The following TWIST2 variants were observed in gnomAD, a reference collection of about 807,000 sequenced individuals.
TWIST2 encodes twist-related protein 2.
Under a neutral mutation model 11.6 loss-of-function variants are expected in TWIST2, and 1 was observed. That is an observed-to-expected ratio of 0.09 (90% CI 0.03 to 0.41). The LOEUF (loss-of-function observed/expected upper bound fraction) is 0.41. TWIST2 is among the 10% of genes least tolerant of loss of function. The pLI, the probability that TWIST2 is intolerant of heterozygous loss-of-function variation, is 0.98. For missense variants in TWIST2, 168 were observed against 226.4 expected (o/e 0.74, Z 1.66); for synonymous variants, 87 against 96.6 (o/e 0.90, Z 0.58).
At chr2:238,883,168 C>T (rs1396162198) in intron 1 of TWIST2, among the ~76,000 whole-genome samples, 1 of 152,186 alleles carries the variant, frequency 6.6e-6, no homozygotes, top group Non-Finnish European at 1.5e-5. Flanking sequence ...CTCGAAGTTC[C>T]TTGGAGGACA....
chr2:238,883,351 C>G (rs755038631), intron 1 of TWIST2, among the ~76,000 whole-genome samples: 3 of 152,190 alleles, frequency 2.0e-5, no homozygotes, highest in Non-Finnish European at 4.4e-5. Flanking sequence ...CTCCGTTCAC[C>G]ACATTGCTCA....
At chr2:238,884,098 C>T (rs765209654) in intron 1 of TWIST2, among the ~76,000 whole-genome samples, 4 of 152,350 alleles carry the variant, frequency 2.6e-5, no homozygotes, top group Admixed American at 1.3e-4. Flanking sequence ...TCAGCCCCTC[C>T]ACAGAAGGCA....
chr2:238,889,133 G>C (rs1693088509), intron 1 of TWIST2, among the ~76,000 whole-genome samples: 2 of 152,186 alleles, frequency 1.3e-5, no homozygotes, highest in African/African-American at 4.8e-5. Flanking sequence ...GGCAATCTTA[G>C]AAGTCCAGCC....
At chr2:238,853,081 TAAAGA>T (rs970565641) in intron 1 of TWIST2, among the ~76,000 whole-genome samples, 3 of 152,088 alleles carry the variant, frequency 2.0e-5, no homozygotes, top group African/African-American at 7.2e-5. Flanking sequence ...AAGTCTTAAA[TAAAGA>T]ATAGTATCCC....
At chr2:238,892,806 C>A (rs1440538784) in intron 1 of TWIST2, among the ~76,000 whole-genome samples, 1 of 152,144 alleles carries the variant, frequency 6.6e-6, no homozygotes. Context: ...TTCCAATCAC[C>A]ACCACAGGCC....
intron 1 of TWIST2, among the ~76,000 whole-genome samples, chr2:238,885,052 C>G (rs532752655): frequency 1.3e-5 from 2 of 152,288 alleles, no homozygotes; most frequent in East Asian, 3.9e-4. Flanking sequence ...GGGGGTCAGC[C>G]CTGGTCCGTT....
chr2:238,901,899 T>G (rs1693272540), intron 1 of TWIST2, among the ~76,000 whole-genome samples: 1 of 151,670 alleles, frequency 6.6e-6, no homozygotes, highest in Non-Finnish European at 1.5e-5. Context: ...AGCCCAGGGT[T>G]GAGGGTGTGG....
intron 1 of TWIST2, among the ~76,000 whole-genome samples, chr2:238,883,682 C>T (rs374167013): frequency 5.3e-5 from 8 of 152,126 alleles, no homozygotes; most frequent in South Asian, 2.1e-4. Flanking sequence ...TCCGAGCACA[C>T]GGAGGGAGTT....
rs1402625992 is a variant in TWIST2, at chr2:238,870,902, C to T, written c.*35+22169C>T. 5.1e-4 allele frequency among the ~76,000 whole-genome samples: 17 copies of T among 33,324 alleles called. 2 individuals are homozygous for T. The highest frequency in any genetic ancestry group is 1.9e-3 in the African/African-American group (17 of 9,142). 21.9% of individuals were successfully genotyped at this position (33,324 alleles called of 152,430 possible). A position where few individuals can be genotyped will look rare whatever the true frequency, so the allele number is the denominator to read the frequency against. ...CACACACCACATACACACCACATCC[C>T]TCCCACACACCACACACACACCACA... On this transcript the variant is annotated intron_variant, in intron 1 of 1. Transcript: ENST00000612363.
chr2:238,897,682 C>T (rs1454014330), intron 1 of TWIST2, among the ~76,000 whole-genome samples: 1 of 152,220 alleles, frequency 6.6e-6, no homozygotes, highest in Non-Finnish European at 1.5e-5. Context: ...TGCATTTCCT[C>T]CCCCGCCTCT....
At chr2:238,878,132 G>A (rs921459744) in intron 1 of TWIST2, among the ~76,000 whole-genome samples, 25 of 152,290 alleles carry the variant, frequency 1.6e-4, no homozygotes, top group Admixed American at 3.9e-4. Flanking sequence ...CCAGGATGTC[G>A]TTAAAGGCTG....
chr2:238,858,005 C>T (rs1037357677), intron 1 of TWIST2, among the ~76,000 whole-genome samples: 7 of 152,258 alleles, frequency 4.6e-5, no homozygotes, highest in East Asian at 1.9e-4. Flanking sequence ...TTTGTCCTCC[C>T]GGCTGGTTCC....
chr2:238,887,339 G>A (rs1693058108), intron 1 of TWIST2: 1 of 152,104 alleles, frequency 6.6e-6, no homozygotes, highest in African/African-American at 2.4e-5. Flanking sequence ...GGCTCATTCA[G>A]TATCTCGCTC....
chr2:238,862,266 T>C (rs150492027), intron 1 of TWIST2, among the ~76,000 whole-genome samples: 4,472 of 152,298 alleles, frequency 0.029, 101 homozygotes, highest in Non-Finnish European at 0.043. Flanking sequence ...TTGTAAACTT[T>C]TATATACCAA....
At chr2:238,861,634 A>G (rs1692438316) in intron 1 of TWIST2, among the ~76,000 whole-genome samples, 1 of 152,136 alleles carries the variant, frequency 6.6e-6, no homozygotes, top group Non-Finnish European at 1.5e-5. Context: ...GAATGCACTG[A>G]GTCAGCGTCC....
chr2:238,869,556 C>T (rs949565920), intron 1 of TWIST2, among the ~76,000 whole-genome samples: 1 of 152,138 alleles, frequency 6.6e-6, no homozygotes, highest in Admixed American at 6.6e-5. Flanking sequence ...ATAGGCATTT[C>T]TACAAAGATG....
intron 1 of TWIST2, among the ~76,000 whole-genome samples, chr2:238,870,473 ACG>A (rs1331528132): frequency 7.0e-5 from 9 of 129,360 alleles, no homozygotes; most frequent in South Asian, 2.6e-4. Context: ...CACCCGACAC[ACG>A]CCACACACAC....
At chr2:238,865,997 G>T (rs1226892188) in intron 1 of TWIST2, among the ~76,000 whole-genome samples, 2 of 152,156 alleles carry the variant, frequency 1.3e-5, no homozygotes, top group East Asian at 3.9e-4. Context: ...TCTTTGTGTG[G>T]TTAGCCTGGG....
At chr2:238,872,576 A>T (rs1339467060) in intron 1 of TWIST2, among the ~76,000 whole-genome samples, 1 of 152,228 alleles carries the variant, frequency 6.6e-6, no homozygotes, top group African/African-American at 2.4e-5. Context: ...TTAATAGTCC[A>T]TGAATTTGAT....
Sources: gnomAD v4.1 joint callset for allele counts (sites outside exome capture counted in the v4.1 genomes callset) on GRCh38, gnomAD v4.1.1 for gene constraint, MANE v1.5 for transcripts, NCBI Gene and HGNC (gene_info 2026-07-23, HGNC 2026-07-21) for gene names.